Variants in PTPA observed in about 807,000 individuals in gnomAD.
PTPA encodes the protein serine/threonine-protein phosphatase 2A activator.
In PTPA, 13 loss-of-function variants were observed where a neutral mutation model predicts 43.6. The observed-to-expected ratio is 0.30, with a 90% CI of 0.19 to 0.47. The LOEUF is 0.47. Among genes scored for constraint, PTPA ranks in the 20% least tolerant of loss-of-function variants. The probability of loss-of-function intolerance (pLI) is 0.99; values close to 1 mark genes in which losing one functional copy is unlikely to be tolerated. For missense variants in PTPA, 329 were observed against 411.9 expected (o/e 0.80, Z 1.74); for synonymous variants, 172 against 158.2 (o/e 1.09, Z -0.66).
intron 3 of PTPA, among the ~76,000 whole-genome samples, chr9:129,123,462 A>C (rs1849388474): frequency 6.9e-6 from 1 of 144,084 alleles, no homozygotes. Context: ...ACAGAGCGAG[A>C]CTCTGTCTCA....
intron 8 of PTPA, among the ~76,000 whole-genome samples, chr9:129,140,762 G>C (rs1850739852): frequency 6.6e-6 from 1 of 150,604 alleles, no homozygotes; most frequent in East Asian, 1.9e-4. Context: ...AGTGTGCACA[G>C]GGCTGGAGCC....
chr9:129,136,071 C>T (rs1025705117), intron 6 of PTPA, among the ~76,000 whole-genome samples: 1 of 152,068 alleles, frequency 6.6e-6, no homozygotes, highest in African/African-American at 2.4e-5. Flanking sequence ...GGGTTCATGC[C>T]ATTCTCCTGC....
upstream of PTPA, chr9:129,111,266 C>A (rs1848449151): frequency 6.7e-6 from 8 of 1,186,410 alleles, no homozygotes; most frequent in Middle Eastern, 7.3e-4. Flanking sequence ...TCGCGGCGCC[C>A]GACGTTCGGG....
chr9:129,144,388 T>G (rs1427901705), intron 9 of PTPA, among the ~76,000 whole-genome samples: 1 of 151,882 alleles, frequency 6.6e-6, no homozygotes, highest in Non-Finnish European at 1.5e-5. Context: ...GCCGGCGCTG[T>G]GTGGGGAAGG....
intron 9 of PTPA, among the ~76,000 whole-genome samples, chr9:129,144,570 C>G (rs368986971): frequency 6.6e-6 from 1 of 151,382 alleles, no homozygotes; most frequent in Non-Finnish European, 1.5e-5. Context: ...AACCCCGTCT[C>G]TACTAAAAAT....
chr9:129,132,129 A>G (rs951093358), intron 5 of PTPA, among the ~76,000 whole-genome samples: 1 of 151,972 alleles, frequency 6.6e-6, no homozygotes, highest in Admixed American at 6.6e-5. Context: ...ATGTAAGCCA[A>G]GGGACCTGGA....
At chr9:129,131,980 A>G (rs1193551710) in intron 5 of PTPA, among the ~76,000 whole-genome samples, 7 of 152,170 alleles carry the variant, frequency 4.6e-5, no homozygotes. Flanking sequence ...CTGTGTGTCA[A>G]GGCAGCAGCT....
At chr9:129,144,741 A>G (rs923966728) in intron 9 of PTPA, among the ~76,000 whole-genome samples, 4 of 149,500 alleles carry the variant, frequency 2.7e-5, no homozygotes, top group Non-Finnish European at 6.0e-5. Context: ...TCTCTCAAAA[A>G]AAAAAAAAAA....
chr9:129,142,337 T>A, intron 8 of PTPA, 108 bp from the exon 9 acceptor site: 1 of 986,054 alleles, frequency 1.0e-6, no homozygotes, highest in Non-Finnish European at 1.5e-6. Flanking sequence ...TGCGTGTGCG[T>A]TTGTGTGTGT....
rs1231883992 is a variant in PTPA at position 129,148,238 on chromosome 9, A to G, written c.*774A>G. ...AGGTGCTGGGCTCCTGGGAGGGCCC[A>G]GATGATGGGGTGAGGCATGTCTTTC... On this transcript the variant is annotated 3_prime_UTR_variant, in exon 10 of 10. Coordinates refer to ENST00000393370, the MANE Select transcript of PTPA (RefSeq NM_178000.3). 6.6e-6 allele frequency: 1 copy of G among 152,430 alleles called. No individual in the cohort carries two copies. Among genetic ancestry groups the G allele is most frequent in the East Asian group, 1.9e-4 (1 of 5,194 alleles). 9.4% of individuals were successfully genotyped at this position (152,430 alleles called of 1,614,324 possible).
At chr9:129,120,439 A>AGGTGAAAG in intron 1 of PTPA, 74 bp from the exon 2 acceptor site, 1 of 928,460 alleles carries the variant, frequency 1.1e-6, no homozygotes, top group Non-Finnish European at 1.6e-6. Flanking sequence ...AAAAAAAAAA[A>AGGTGAAAG]GGTGAAAGGG....
At position 129,137,653 on chromosome 9, in the gene PTPA, G is replaced by T; in HGVS notation, c.747G>T (p.Lys249Asn). ...VDEKAVNENH[K>N]DYMFLECILF... ...AGAAGGCCGTGAATGAGAACCACAAGGACTACATGTTCCTGGAGTGTATCC... is the reference window on the plus strand; with the variant it reads ...AGAAGGCCGTGAATGAGAACCACAATGACTACATGTTCCTGGAGTGTATCC... Residue 249 changes from lysine to asparagine, a missense_variant, in exon 8 of 10, where the codon AAG becomes AAT. Transcript: ENST00000393370. The T allele has an allele frequency of 6.2e-7, 1 of 1,612,540 alleles. No homozygotes were observed. Among genetic ancestry groups the T allele is most frequent in the African/African-American group, 1.3e-5 (1 of 75,032 alleles).
At chr9:129,125,158 G>A (rs1223199444) in intron 3 of PTPA, among the ~76,000 whole-genome samples, 8 of 152,158 alleles carry the variant, frequency 5.3e-5, no homozygotes, top group Admixed American at 4.6e-4. Context: ...GTGGAGGAAG[G>A]CTAATTAAAG....
At chr9:129,111,035 AGTGGT>A, upstream of PTPA, 1 of 1,368,926 alleles carries the variant, frequency 7.3e-7, no homozygotes, top group Admixed American at 1.9e-5. Context: ...TGTTGGAGGT[AGTGGT>A]GTGCACCTTT....
chr9:129,147,273 C>T (rs17481860), intron 9 of PTPA, 114 bp from the exon 10 acceptor site: 22,812 of 995,172 alleles, frequency 0.023, 1,031 homozygotes, highest in Admixed American at 0.15. Flanking sequence ...GATCCCCTGG[C>T]GGGGCTACTT....
chr9:129,142,486 G>C lies in PTPA; in HGVS notation c.828G>C (p.Trp276Cys). Residue 276 changes from tryptophan to cysteine, a missense_variant, in exon 9 of 10, where the codon TGG becomes TGC. Coordinates refer to ENST00000393370, the MANE Select transcript of PTPA (RefSeq NM_178000.3). ...GPFAEHSNQLWNISAVPSWSK... is the reference protein window; with the variant it reads ...GPFAEHSNQLCNISAVPSWSK... ...TTGCAGAGCACTCCAACCAGCTGTG[G>C]AACATCAGCGCCGTCCCTTCCTGGT... The C allele has an allele frequency of 6.2e-7, 1 of 1,608,382 alleles. No homozygotes were observed. The highest frequency in any genetic ancestry group is 8.5e-7 in the Non-Finnish European group (1 of 1,175,640).
chr9:129,142,865 A>G (rs1481795072), intron 9 of PTPA: 4 of 1,523,858 alleles, frequency 2.6e-6, no homozygotes, highest in Non-Finnish European at 3.5e-6. Context: ...TCCTTTATCA[A>G]GTGGCCAAAG....
intron 5 of PTPA, among the ~76,000 whole-genome samples, chr9:129,133,109 G>A (rs546842893): frequency 3.3e-5 from 5 of 152,330 alleles, no homozygotes; most frequent in African/African-American, 7.2e-5. Flanking sequence ...AGAGAAGGGA[G>A]GCGTTCTCTA....
intron 2 of PTPA, among the ~76,000 whole-genome samples, chr9:129,121,649 C>G (rs1849257273): frequency 6.6e-6 from 1 of 152,264 alleles, no homozygotes; most frequent in Admixed American, 6.5e-5. Flanking sequence ...ACTAATATCT[C>G]TGGCTTCTAC....
Sources: gnomAD v4.1 joint callset for allele counts (sites outside exome capture counted in the v4.1 genomes callset) on GRCh38, gnomAD v4.1.1 for gene constraint, MANE v1.5 for transcripts, NCBI Gene and HGNC (gene_info 2026-07-23, HGNC 2026-07-21) for gene names.